The following NSMCE2 variants were observed in gnomAD, a reference collection of about 807,000 sequenced individuals.
NSMCE2 encodes NSE2 SUMO ligase component of SMC5/6 complex, also known as E3 SUMO-protein ligase NSE2.
In NSMCE2, 24 loss-of-function variants were observed where a neutral mutation model predicts 23.8. The ratio of observed to expected loss-of-function variants is 1.01; its 90% CI spans 0.73 to 1.42. The LOEUF (loss-of-function observed/expected upper bound fraction) is 1.42, where lower values mean the gene tolerates loss of function less well. Among genes scored for constraint, NSMCE2 ranks in the 40% most tolerant of loss-of-function variants. The pLI is 0.00. For synonymous variants in NSMCE2, 92 were observed against 94.1 expected (o/e 0.98, Z 0.13); for missense variants, 284 against 296.5 (o/e 0.96, Z 0.31).
chr8:125,315,106 A>G lies in NSMCE2; in HGVS notation c.419-42113A>G, dbSNP rs973291905. ...TTCATCATGACTTTTCTCATTGACT[A>G]GAATCTTTTTTTTTTCTTTTTTCTT... On this transcript the variant is annotated intron_variant, in intron 5 of 7. Transcript: ENST00000287437. 3.8e-5 allele frequency among the ~76,000 whole-genome samples: 5 copies of G among 130,536 alleles called. No individual in the cohort carries two copies. The Admixed American group carries it at 4.3e-4, about 11-fold the overall frequency. 85.6% of individuals were successfully genotyped at this position (130,536 alleles called of 152,430 possible).
chr8:125,311,105 G>A (rs1245531725), intron 5 of NSMCE2, among the ~76,000 whole-genome samples: 1 of 152,148 alleles, frequency 6.6e-6, no homozygotes, highest in Non-Finnish European at 1.5e-5. Flanking sequence ...TGTAACCTGG[G>A]GAAAGATTTT....
intron 3 of NSMCE2, among the ~76,000 whole-genome samples, chr8:125,104,171 G>A (rs1396339759): frequency 6.6e-6 from 1 of 152,044 alleles, no homozygotes; most frequent in Non-Finnish European, 1.5e-5. Flanking sequence ...TGTAATTTTA[G>A]TAGAGACGGA....
chr8:125,149,238 TAG>T (rs1338615376), intron 3 of NSMCE2, among the ~76,000 whole-genome samples: 2 of 152,300 alleles, frequency 1.3e-5, no homozygotes, highest in African/African-American at 4.8e-5. Flanking sequence ...GCTGCCTGGA[TAG>T]TAAAAGCTGA....
At chr8:125,277,755 C>A (rs1423627258) in intron 5 of NSMCE2, among the ~76,000 whole-genome samples, 1 of 152,126 alleles carries the variant, frequency 6.6e-6, no homozygotes, top group Non-Finnish European at 1.5e-5. Context: ...ACCTTGTGAT[C>A]CACCTGCCTC....
rs1405664101 is a variant in NSMCE2, at chr8:125,324,671, T to C, written c.419-32548T>C. 1.3e-4 allele frequency among the ~76,000 whole-genome samples: 8 copies of C among 59,644 alleles called. 2 individuals carry two copies. Among genetic ancestry groups the C allele is most frequent in the Admixed American group, 4.7e-4 (2 of 4,228 alleles). The allele number at this position is 59,644 out of a possible 152,430, so 39.1% of individuals were successfully genotyped here. ...CTCACTGCAAGCTCCGCCTCCCGGG[T>C]TCACGCCATTCTCCTGCCTCAGCCT... On this transcript the variant is annotated intron_variant, in intron 5 of 7. Transcript: ENST00000287437.
intron 7 of NSMCE2, among the ~76,000 whole-genome samples, chr8:125,365,729 C>T (rs766903372): frequency 1.2e-4 from 18 of 152,010 alleles, no homozygotes; most frequent in African/African-American, 2.2e-4. Context: ...TGGTGGCAGG[C>T]GCCTGTAATC....
Position 125,262,777 on chromosome 8 carries a change from G to A in NSMCE2, c.418+80521G>A, listed in dbSNP as rs114818697. On this transcript the variant is annotated intron_variant, in intron 5 of 7. Transcript: ENST00000287437. The stretch of plus-strand genomic sequence containing the variant: ...GTGTTAGTTTCCTCCTCTCTGCAGT[G>A]GTATTGCTCACTCTGTTTACTTCGT... 5.6e-3 allele frequency among the ~76,000 whole-genome samples: 848 copies of A among 152,148 alleles called. 7 individuals carry two copies. The highest frequency in any genetic ancestry group is 0.018 in the African/African-American group (740 of 41,498).
chr8:125,115,808 T>C (rs1818980177), intron 3 of NSMCE2, among the ~76,000 whole-genome samples: 1 of 152,254 alleles, frequency 6.6e-6, no homozygotes, highest in Admixed American at 6.5e-5. Context: ...AGATGCTTGC[T>C]GATGCAACTG....
chr8:125,219,167 T>C lies in NSMCE2; in HGVS notation c.418+36911T>C, dbSNP rs117997370. On this transcript the variant is annotated intron_variant, in intron 5 of 7. Transcript: ENST00000287437. ...TACTCCACATATTTGCTATTTGGGG[T>C]CTGGGGAGGCAGATAGACAGAAAGA... 5.4e-3 allele frequency among the ~76,000 whole-genome samples: 824 copies of C among 152,226 alleles called. 1 individual carries two copies. The highest frequency in any genetic ancestry group is 0.01 in the Non-Finnish European group (692 of 68,026).
intron 5 of NSMCE2, among the ~76,000 whole-genome samples, chr8:125,311,826 C>T (rs1828981980): frequency 6.6e-6 from 1 of 151,946 alleles, no homozygotes; most frequent in Admixed American, 6.6e-5. Flanking sequence ...CGCCTGTAAT[C>T]CCAGCACTTT....
At chr8:125,313,200 GAGAA>G (rs148902901) in intron 5 of NSMCE2, among the ~76,000 whole-genome samples, 13,410 of 143,974 alleles carry the variant, frequency 0.093, 663 homozygotes, top group South Asian at 0.16. Flanking sequence ...GAAAGAGAGA[GAGAA>G]AGAAAGAAAG....
intron 5 of NSMCE2, among the ~76,000 whole-genome samples, chr8:125,279,916 A>G (rs967461685): frequency 6.6e-6 from 1 of 152,322 alleles, no homozygotes; most frequent in Admixed American, 6.5e-5. Flanking sequence ...CAGCGCAGTC[A>G]TCTATCCTCT....
chr8:125,308,420 T>C (rs999735267), intron 5 of NSMCE2, among the ~76,000 whole-genome samples: 6 of 152,186 alleles, frequency 3.9e-5, no homozygotes, highest in African/African-American at 1.4e-4. Context: ...GAGAAGTCTT[T>C]TTCCTTTGAC....
At chr8:125,221,307 G>A (rs917272472) in intron 5 of NSMCE2, among the ~76,000 whole-genome samples, 2 of 152,166 alleles carry the variant, frequency 1.3e-5, no homozygotes, top group African/African-American at 2.4e-5. Flanking sequence ...GTGCAGTGAC[G>A]CAATCATGGC....
rs767857244 is a variant in NSMCE2, at chr8:125,102,364, A to G, written c.34A>G (p.Thr12Ala). 8 of 1,613,858 alleles carry G rather than the reference A, an allele frequency of 5.0e-6. No homozygotes were observed. The highest frequency in any genetic ancestry group is 2.7e-5 in the African/African-American group (2 of 74,938). Residue 12 changes from threonine to alanine, a missense_variant, in exon 3 of 8, where the codon ACT (threonine) becomes GCT (alanine). Transcript: ENST00000287437. ...PGRSSSNSGS[T>A]GFISFSGVES... ...ACGTTCCAGTTCAAATTCAGGTTCA[A>G]CTGGTTTCATCTCCTTCAGTGGTGT...
At chr8:125,278,951 A>C (rs1490126855) in intron 5 of NSMCE2, among the ~76,000 whole-genome samples, 1 of 152,054 alleles carries the variant, frequency 6.6e-6, no homozygotes, top group Non-Finnish European at 1.5e-5. Context: ...TGGAGGTTAG[A>C]GCCATAGTCA....
intron 5 of NSMCE2, among the ~76,000 whole-genome samples, chr8:125,324,134 C>T (rs1157052632): frequency 1.3e-5 from 2 of 152,228 alleles, no homozygotes; most frequent in East Asian, 1.9e-4. Context: ...AATACCACTA[C>T]ACACCTATTA....
At chr8:125,207,561 G>A (rs958321967) in intron 5 of NSMCE2, among the ~76,000 whole-genome samples, 3 of 152,174 alleles carry the variant, frequency 2.0e-5, no homozygotes, top group African/African-American at 7.2e-5. Context: ...CCATTTAAGT[G>A]TCCAGTTTTA....
At chr8:125,170,556 T>A (rs1822147232) in intron 4 of NSMCE2, among the ~76,000 whole-genome samples, 1 of 151,838 alleles carries the variant, frequency 6.6e-6, no homozygotes, top group African/African-American at 2.4e-5. Context: ...TACAGGCATG[T>A]GCCACCATGC....
Sources: allele counts gnomAD v4.1 joint callset (sites outside exome capture counted in the v4.1 genomes callset), GRCh38; gene constraint gnomAD v4.1.1; transcripts MANE v1.5; gene names NCBI Gene and HGNC (gene_info 2026-07-23, HGNC 2026-07-21).